Variants in COL4A6 observed in about 807,000 individuals in gnomAD.
COL4A6 encodes the protein collagen alpha-6(IV) chain.
COL4A6 carries 59 observed loss-of-function variants against 126.7 expected under a neutral mutation model. That is an observed-to-expected ratio of 0.47 (90% CI 0.38 to 0.58). COL4A6 has a LOEUF of 0.58. Among genes scored for constraint, COL4A6 ranks in the 20% least tolerant of loss-of-function variants. The probability of loss-of-function intolerance (pLI) is 0.00; values close to 1 mark genes in which losing one functional copy is unlikely to be tolerated. For synonymous variants in COL4A6, 547 were observed against 496.6 expected, an observed-to-expected ratio of 1.10 and a Z score of -1.35; for missense variants, 1,285 against 1,337.3, an observed-to-expected ratio of 0.96 and a Z score of 0.61.
intron 3 of COL4A6, among the ~76,000 whole-genome samples, chrX:108,294,725 A>G (rs2038274840): frequency 9.0e-6 from 1 of 111,111 alleles, no homozygotes; most frequent in African/African-American, 3.3e-5. Flanking sequence ...ACCTCTGTAA[A>G]TGTTACCTCA....
intron 33 of COL4A6, 134 bp from the exon 34 acceptor site, chrX:108,171,051 T>A: frequency 1.8e-6 from 1 of 565,555 alleles, no homozygotes; most frequent in African/African-American, 2.3e-5. Flanking sequence ...TAGTGGTGGC[T>A]GTTTTCACAT....
chrX:108,353,972 G>A (rs1352657857), intron 2 of COL4A6, among the ~76,000 whole-genome samples: 1 of 111,564 alleles, frequency 9.0e-6, no homozygotes, highest in Non-Finnish European at 1.9e-5. Context: ...GGCCAACATG[G>A]TGAAACCCTG....
intron 3 of COL4A6, among the ~76,000 whole-genome samples, chrX:108,244,067 T>C (rs1475615258): frequency 9.1e-6 from 1 of 110,407 alleles, no homozygotes; most frequent in Non-Finnish European, 1.9e-5. Context: ...TGAGTGGGCA[T>C]ATGGAAAATC....
At position 108,367,082 on chromosome X, in the gene COL4A6, A is replaced by C. The variant is rs186183754; in HGVS notation, c.64-56254T>G. ...TTAGAAATCTAGCAGGTTCTCAACC[A>C]GTGTTTCAAACCTGATTAATTTCTA... On this transcript the variant is annotated intron_variant, in intron 2 of 44. Coordinates refer to ENST00000334504, the MANE Select transcript of COL4A6 (RefSeq NM_033641.4). 4.4e-3 allele frequency among the ~76,000 whole-genome samples: 493 copies of C among 112,421 alleles called. 3 individuals carry two copies. Among genetic ancestry groups the C allele is most frequent in the Non-Finnish European group, 6.6e-3 (349 of 53,236 alleles).
At chrX:108,242,224 T>C (rs1289228592) in intron 3 of COL4A6, among the ~76,000 whole-genome samples, 1 of 111,579 alleles carries the variant, frequency 9.0e-6, no homozygotes, top group Non-Finnish European at 1.9e-5. Flanking sequence ...AAATTTGTTT[T>C]TGATCATGGT....
chrX:108,183,368 C>T (rs1053232630), intron 23 of COL4A6, among the ~76,000 whole-genome samples: 1 of 111,939 alleles, frequency 8.9e-6, no homozygotes, highest in African/African-American at 3.2e-5. Context: ...ATGTGTGGAT[C>T]CTTTCAGGTA....
intron 5 of COL4A6, among the ~76,000 whole-genome samples, chrX:108,216,489 G>A (rs973604725): frequency 1.2e-4 from 13 of 112,483 alleles, no homozygotes; most frequent in Non-Finnish European, 2.3e-4. Flanking sequence ...GTGAGACTAG[G>A]TTTACTAAGT....
intron 3 of COL4A6, chrX:108,268,156 G>A (rs1179834998): frequency 9.0e-6 from 1 of 111,503 alleles, no homozygotes; most frequent in African/African-American, 3.3e-5. Flanking sequence ...GAAAAACATC[G>A]ACTTACTCCA....
At chrX:108,256,748 T>A (rs1021663942) in intron 3 of COL4A6, among the ~76,000 whole-genome samples, 4 of 111,038 alleles carry the variant, frequency 3.6e-5, no homozygotes, top group African/African-American at 1.3e-4. Context: ...AGTCTAATAA[T>A]CTTTGTTTTC....
intron 3 of COL4A6, among the ~76,000 whole-genome samples, chrX:108,301,418 G>A (rs909668397): frequency 4.5e-5 from 5 of 111,779 alleles, no homozygotes; most frequent in African/African-American, 1.6e-4. Flanking sequence ...ATGCAGTCAG[G>A]AATTACTACT....
At chrX:108,264,465 C>T (rs748714376) in intron 3 of COL4A6, among the ~76,000 whole-genome samples, 6 of 111,363 alleles carry the variant, frequency 5.4e-5, no homozygotes, top group South Asian at 3.8e-4. Flanking sequence ...GGACTAATAC[C>T]GAGTTCACTG....
chrX:108,320,715 A>G (rs1360861899), intron 2 of COL4A6, among the ~76,000 whole-genome samples: 3 of 112,295 alleles, frequency 2.7e-5, no homozygotes, highest in Admixed American at 9.4e-5. Context: ...TTTGTCTTGA[A>G]TTAGCACAGT....
At chrX:108,335,317 G>T (rs1341086530) in intron 2 of COL4A6, among the ~76,000 whole-genome samples, 2 of 111,766 alleles carry the variant, frequency 1.8e-5, no homozygotes, top group Admixed American at 9.5e-5. Context: ...CACAAAGGTG[G>T]GTACTACTAT....
In COL4A6 at chrX:108,156,768, C is replaced by T; in HGVS notation, c.*232G>A. 1 of 419,733 alleles carries T rather than the reference C, an allele frequency of 2.4e-6. No individual in the cohort carries two copies. Among genetic ancestry groups the T allele is most frequent in the East Asian group, 3.8e-5 (1 of 26,426 alleles). The allele number at this position is 419,733 out of a possible 1,213,427, so 34.6% of individuals were successfully genotyped here. The stretch of plus-strand genomic sequence containing the variant: ...TAGTCACACAATCATCCAAATCAAA[C>T]AGTAGCACCAGCTTGACAGAAACAG... On this transcript the variant is annotated 3_prime_UTR_variant, in exon 45 of 45. Coordinates refer to ENST00000334504, the MANE Select transcript of COL4A6 (RefSeq NM_033641.4).
chrX:108,220,438 G>A (rs780521119), intron 4 of COL4A6, among the ~76,000 whole-genome samples: 27 of 111,819 alleles, frequency 2.4e-4, no homozygotes, highest in Non-Finnish European at 4.7e-4. Flanking sequence ...TGAGGGAATC[G>A]TTCCCTCACC....
intron 3 of COL4A6, among the ~76,000 whole-genome samples, chrX:108,302,545 G>A (rs936850599): frequency 9.0e-6 from 1 of 111,620 alleles, no homozygotes; most frequent in South Asian, 3.8e-4. Context: ...CCAATACATG[G>A]TCTATTTGCA....
chrX:108,326,499 A>G (rs1227301616), intron 2 of COL4A6, among the ~76,000 whole-genome samples: 1 of 112,277 alleles, frequency 8.9e-6, no homozygotes. Flanking sequence ...AGCATAGCCC[A>G]AACAACTTAG....
rs1374313708 is a variant in COL4A6, at chrX:108,169,687, C to T, written c.3566-67G>A. On this transcript the variant is annotated intron_variant, in intron 36 of 44. Transcript: ENST00000334504. ...GTGAGGCCTTCCTGCCTAACTCACT[C>T]GCCTGTGGCCTGAGAAGCCTGACTG... 1.2e-5 allele frequency: 14 copies of T among 1,129,679 alleles called. No homozygotes were observed. In the East Asian group the frequency reaches 1.3e-4, roughly 10 times the overall value. 93.1% of individuals were successfully genotyped at this position (1,129,679 alleles called of 1,213,427 possible).
intron 2 of COL4A6, among the ~76,000 whole-genome samples, chrX:108,401,965 A>G (rs2041097591): frequency 9.0e-6 from 1 of 111,701 alleles, no homozygotes; most frequent in South Asian, 3.7e-4. Context: ...TTAACCCAAC[A>G]TGTCATGATA....
Sources: gnomAD v4.1 joint callset for allele counts (sites outside exome capture counted in the v4.1 genomes callset) on GRCh38, gnomAD v4.1.1 for gene constraint, MANE v1.5 for transcripts, NCBI Gene and HGNC (gene_info 2026-07-23, HGNC 2026-07-21) for gene names.